TRAPPC9: variants seen among roughly 807,000 people sequenced by gnomAD.
TRAPPC9 encodes trafficking protein particle complex subunit 9, also known as IKK2 binding protein.
In TRAPPC9, 83 loss-of-function variants were observed where a neutral mutation model predicts 124.0. That is an observed-to-expected ratio of 0.67 (90% CI 0.56 to 0.80). The LOEUF (loss-of-function observed/expected upper bound fraction) is 0.80, where lower values mean the gene tolerates loss of function less well. Ranked by LOEUF, TRAPPC9 falls within the 30% of genes least tolerant of loss-of-function variation. The pLI, the probability that TRAPPC9 is intolerant of heterozygous loss-of-function variation, is 0.00. For synonymous variants in TRAPPC9, 638 were observed against 617.5 expected (o/e 1.03, Z -0.49); for missense variants, 1,302 against 1,508.3 (o/e 0.86, Z 2.27).
chr8:139,925,469 C>T (rs193269965), intron 19 of TRAPPC9, among the ~76,000 whole-genome samples: 112 of 152,226 alleles, frequency 7.4e-4, no homozygotes, highest in African/African-American at 2.6e-3. Context: ...CTGTAAAGGC[C>T]GGGCACGGTG....
intron 18 of TRAPPC9, among the ~76,000 whole-genome samples, chr8:139,992,078 G>A (rs1252189199): frequency 6.6e-6 from 1 of 152,042 alleles, no homozygotes; most frequent in African/African-American, 2.4e-5. Context: ...AGCTGAAAAA[G>A]ATTGTTGAAT....
chr8:139,822,445 G>A (rs764815767), intron 21 of TRAPPC9, among the ~76,000 whole-genome samples: 2 of 152,178 alleles, frequency 1.3e-5, no homozygotes, highest in Non-Finnish European at 2.9e-5. Flanking sequence ...AGGAGACCCC[G>A]CCCCAGGCTC....
chr8:140,298,662 A>G (rs1371796681), intron 11 of TRAPPC9, among the ~76,000 whole-genome samples: 1 of 151,810 alleles, frequency 6.6e-6, no homozygotes, highest in African/African-American at 2.4e-5. Context: ...AAAGAAAAAA[A>G]AAAGATGATG....
intron 21 of TRAPPC9, among the ~76,000 whole-genome samples, chr8:139,741,168 C>T (rs955992358): frequency 9.2e-5 from 14 of 152,142 alleles, no homozygotes; most frequent in Admixed American, 1.3e-4. Flanking sequence ...GCATGATGCT[C>T]CCCCTGGGTG....
intron 21 of TRAPPC9, among the ~76,000 whole-genome samples, chr8:139,838,829 G>A (rs757178308): frequency 4.6e-5 from 7 of 152,152 alleles, no homozygotes; most frequent in East Asian, 3.9e-4. Context: ...CTTATACATC[G>A]GTTTTCTTCC....
intron 16 of TRAPPC9, among the ~76,000 whole-genome samples, chr8:140,229,786 G>A (rs547333111): frequency 6.6e-6 from 1 of 151,698 alleles, no homozygotes; most frequent in East Asian, 2.0e-4. Flanking sequence ...TCAAACTCCT[G>A]GCCTCAAGTG....
chr8:140,327,951 A>T (rs2131982387), intron 9 of TRAPPC9, among the ~76,000 whole-genome samples: 1 of 152,326 alleles, frequency 6.6e-6, no homozygotes, highest in East Asian at 1.9e-4. Flanking sequence ...TTTCAAAATC[A>T]ATGTAAAAAT....
intron 16 of TRAPPC9, among the ~76,000 whole-genome samples, chr8:140,224,151 G>A (rs987306060): frequency 6.6e-6 from 1 of 152,148 alleles, no homozygotes; most frequent in Admixed American, 6.5e-5. Context: ...GGGCAGCAAA[G>A]GTCCACCTGA....
intron 20 of TRAPPC9, among the ~76,000 whole-genome samples, chr8:139,900,056 G>T (rs985378019): frequency 1.3e-4 from 20 of 152,174 alleles, no homozygotes; most frequent in African/African-American, 4.6e-4. Context: ...CACGGTGAAG[G>T]TGATCCCGTC....
At chr8:139,903,897 C>T (rs1285210878) in intron 20 of TRAPPC9, among the ~76,000 whole-genome samples, 4 of 152,126 alleles carry the variant, frequency 2.6e-5, no homozygotes, top group Non-Finnish European at 5.9e-5. Flanking sequence ...CAAAAATTAG[C>T]CAGGCGTGGT....
intron 18 of TRAPPC9, among the ~76,000 whole-genome samples, chr8:140,018,921 G>T (rs2131891614): frequency 6.6e-6 from 1 of 152,316 alleles, no homozygotes; most frequent in East Asian, 1.9e-4. Context: ...TCACCTCTAA[G>T]TATAACATTA....
chr8:139,816,447 T>G (rs1041432712), intron 21 of TRAPPC9, among the ~76,000 whole-genome samples: 2 of 152,150 alleles, frequency 1.3e-5, no homozygotes, highest in African/African-American at 4.8e-5. Flanking sequence ...GGGAGAGCTT[T>G]GAGTCCCTGG....
At chr8:139,990,520 A>AT (rs1480668598) in intron 18 of TRAPPC9, among the ~76,000 whole-genome samples, 3 of 152,214 alleles carry the variant, frequency 2.0e-5, no homozygotes, top group Non-Finnish European at 4.4e-5. Flanking sequence ...CATCTGTGAA[A>AT]TATCAATTTT....
chr8:139,736,627 A>AC (rs1172764701), intron 21 of TRAPPC9, among the ~76,000 whole-genome samples: 1 of 151,944 alleles, frequency 6.6e-6, no homozygotes, highest in Non-Finnish European at 1.5e-5. Context: ...CTCCCCTGGG[A>AC]CCCCCAGGGT....
At chr8:140,202,782 A>C (rs2062824287) in intron 17 of TRAPPC9, among the ~76,000 whole-genome samples, 1 of 152,256 alleles carries the variant, frequency 6.6e-6, no homozygotes, top group South Asian at 2.1e-4. Context: ...GATACTGGGC[A>C]TCTATTTCTA....
At chr8:140,325,966 G>A (rs532854744) in intron 9 of TRAPPC9, among the ~76,000 whole-genome samples, 6 of 152,120 alleles carry the variant, frequency 3.9e-5, no homozygotes, top group South Asian at 2.1e-4. Context: ...AGAGTACACC[G>A]AAGCCTTTTA....
intron 21 of TRAPPC9, among the ~76,000 whole-genome samples, chr8:139,816,177 G>T (rs921600703): frequency 6.6e-6 from 1 of 152,210 alleles, no homozygotes; most frequent in African/African-American, 2.4e-5. Flanking sequence ...TGGTGTGGAG[G>T]CCTGGAAGGC....
chr8:140,091,045 C>G (rs1048713754), intron 17 of TRAPPC9, among the ~76,000 whole-genome samples: 3 of 152,160 alleles, frequency 2.0e-5, no homozygotes, highest in Non-Finnish European at 2.9e-5. Flanking sequence ...GAGAGAGAGA[C>G]AACAAACCAT....
chr8:139,839,725 C>T (rs1046647266), intron 21 of TRAPPC9, among the ~76,000 whole-genome samples: 4 of 152,324 alleles, frequency 2.6e-5, no homozygotes, highest in African/African-American at 9.6e-5. Flanking sequence ...GCCGCTGCCT[C>T]CAGCTCTGCT....
Sources: allele counts gnomAD v4.1 joint callset (sites outside exome capture counted in the v4.1 genomes callset), GRCh38; gene constraint gnomAD v4.1.1; transcripts MANE v1.5; gene names NCBI Gene and HGNC (gene_info 2026-07-23, HGNC 2026-07-21).